The following IFT43 variants were observed in gnomAD, a reference collection of about 807,000 sequenced individuals.
The protein encoded by IFT43 is intraflagellar transport 43.
A neutral mutation model predicts 32.3 loss-of-function variants in IFT43; 33 were observed. The observed-to-expected ratio is 1.02, with a 90% confidence interval of 0.77 to 1.37. The LOEUF (loss-of-function observed/expected upper bound fraction) is 1.37. Ranked by LOEUF, IFT43 falls within the 40% of genes most tolerant of loss-of-function variation. The pLI is 0.00. For synonymous variants in IFT43, 93 were observed against 98.2 expected (o/e 0.95, Z 0.31); for missense variants, 274 against 265.9 (o/e 1.03, Z -0.21).
At position 76,083,729 on chromosome 14, in the gene IFT43, C is replaced by T. The variant is rs2037559216; in HGVS notation, c.*152C>T. ...TGGATAATTCAATTGCAATAAATTG[C>T]TTATTCTGTGCCATCTCCTCCATTT... On this transcript the variant is annotated 3_prime_UTR_variant, in exon 9 of 9. Transcript: ENST00000314067. 3.8e-6 allele frequency: 3 copies of T among 781,888 alleles called. No homozygotes were observed. Among genetic ancestry groups the T allele is most frequent in the South Asian group, 1.5e-5 (1 of 67,610 alleles). 48.4% of individuals were successfully genotyped at this position (781,888 alleles called of 1,614,324 possible). A position where few individuals can be genotyped will look rare whatever the true frequency, so the allele number is the denominator to read the frequency against.
At chr14:76,081,432 G>A (rs1308938821) in intron 5 of IFT43, among the ~76,000 whole-genome samples, 1 of 152,050 alleles carries the variant, frequency 6.6e-6, no homozygotes, top group Admixed American at 6.5e-5. Flanking sequence ...AAAACAAAAT[G>A]TCTCAACCAG....
chr14:75,986,343 T>C (rs2139853661), intron 1 of IFT43: 2 of 1,181,262 alleles, frequency 1.7e-6, no homozygotes, highest in Non-Finnish European at 2.2e-6. Context: ...TTAACCTCAG[T>C]TACCTCAGTA....
intron 3 of IFT43, among the ~76,000 whole-genome samples, chr14:76,057,040 A>AACTG: frequency 1.3e-5 from 2 of 152,190 alleles, no homozygotes; most frequent in East Asian, 3.9e-4. Flanking sequence ...AAGGGTCAGA[A>AACTG]ACTGCAGCCT....
chr14:76,012,391 AGCC>A (rs2036102900), intron 2 of IFT43, among the ~76,000 whole-genome samples: 1 of 152,210 alleles, frequency 6.6e-6, no homozygotes, highest in African/African-American at 2.4e-5. Context: ...ATTGAATCCT[AGCC>A]CATTCGGATG....
chr14:75,987,354 T>A (rs1184857108), intron 1 of IFT43, among the ~76,000 whole-genome samples: 1 of 152,198 alleles, frequency 6.6e-6, no homozygotes, highest in Non-Finnish European at 1.5e-5. Context: ...GACACTACAA[T>A]TTGAAGTGTC....
At position 75,993,140 on chromosome 14, in the gene IFT43, T is replaced by C. The variant is rs2035674844; in HGVS notation, c.147+4163T>C. 2.0e-5 allele frequency among the ~76,000 whole-genome samples: 3 copies of C among 152,220 alleles called. No homozygotes were observed. In the South Asian group the frequency reaches 6.2e-4, roughly 31 times the overall value. On this transcript the variant is annotated intron_variant, in intron 2 of 8. Transcript: ENST00000314067. ...CCAACCATTATTATTTCTCTAGAAC[T>C]TGGGCATTCTTTTTATTCCACCTTA...
At chr14:76,059,023 A>C (rs2037079407) in intron 4 of IFT43, 1 of 1,422,960 alleles carries the variant, frequency 7.0e-7, no homozygotes. Flanking sequence ...CAGAAAAGAA[A>C]GAAGTTTTCT....
At chr14:76,056,464 C>T (rs1041808660) in intron 3 of IFT43, among the ~76,000 whole-genome samples, 3 of 152,232 alleles carry the variant, frequency 2.0e-5, no homozygotes, top group Admixed American at 1.3e-4. Context: ...GGCAATTAAT[C>T]AGCCTCCCCC....
At chr14:76,038,555 G>A (rs1053358329) in intron 3 of IFT43, among the ~76,000 whole-genome samples, 1 of 152,152 alleles carries the variant, frequency 6.6e-6, no homozygotes, top group Non-Finnish European at 1.5e-5. Context: ...TAGAGGAAGA[G>A]CTAGATAAGT....
chr14:76,020,246 T>G lies in IFT43; in HGVS notation c.148-2081T>G, dbSNP rs545699152. 1.1e-3 allele frequency among the ~76,000 whole-genome samples: 175 copies of G among 152,340 alleles called. 1 individual carries two copies. The highest frequency in any genetic ancestry group is 4.0e-3 in the African/African-American group (165 of 41,576). The stretch of plus-strand genomic sequence containing the variant: ...TCTTGGCCTCCCAAAGTGCTGAGAT[T>G]ATAGGCATGAGCCACCGCACCCGGC... On this transcript the variant is annotated intron_variant, in intron 2 of 8. Transcript: ENST00000314067.
chr14:76,008,760 C>G (rs188325199), intron 2 of IFT43, among the ~76,000 whole-genome samples: 3 of 152,204 alleles, frequency 2.0e-5, no homozygotes, highest in Non-Finnish European at 4.4e-5. Context: ...AGTAAAGACA[C>G]AGCTATTTTC....
At chr14:76,047,747 T>TA (rs2036836891) in intron 3 of IFT43, among the ~76,000 whole-genome samples, 1 of 151,898 alleles carries the variant, frequency 6.6e-6, no homozygotes, top group African/African-American at 2.4e-5. Flanking sequence ...TTTTTTTTTT[T>TA]TGTCATTGCA....
intron 3 of IFT43, among the ~76,000 whole-genome samples, chr14:76,040,873 C>T (rs762892921): frequency 1.3e-5 from 2 of 152,164 alleles, no homozygotes; most frequent in African/African-American, 2.4e-5. Context: ...GGTGGGGACT[C>T]GAGATGAACT....
At chr14:76,020,896 C>T (rs2036277625) in intron 2 of IFT43, among the ~76,000 whole-genome samples, 1 of 151,982 alleles carries the variant, frequency 6.6e-6, no homozygotes, top group Admixed American at 6.5e-5. Flanking sequence ...GTGAGCCAGT[C>T]CCCAGGTAGT....
chr14:76,042,104 G>T (rs533137617), intron 3 of IFT43, among the ~76,000 whole-genome samples: 1 of 132,892 alleles, frequency 7.5e-6, no homozygotes, highest in African/African-American at 2.5e-5. Context: ...TTGTATGGAC[G>T]AGGACACACA....
intron 5 of IFT43, among the ~76,000 whole-genome samples, chr14:76,082,055 C>G (rs369969046): frequency 6.6e-6 from 1 of 152,328 alleles, no homozygotes; most frequent in East Asian, 1.9e-4. Flanking sequence ...GGAAAAAAAT[C>G]TGGATGCTTG....
At chr14:76,059,164 G>A in intron 4 of IFT43, 163 bp from the exon 5 acceptor site, 2 of 1,547,880 alleles carry the variant, frequency 1.3e-6, no homozygotes, top group Non-Finnish European at 1.7e-6. Context: ...ACCACACACG[G>A]CACACCCAGT....
At chr14:76,034,275 A>G (rs1429368479) in intron 3 of IFT43, among the ~76,000 whole-genome samples, 1 of 152,100 alleles carries the variant, frequency 6.6e-6, no homozygotes. Flanking sequence ...CCATTTTCCT[A>G]GTTACGTCCT....
At chr14:76,027,720 A>T (rs60136742) in intron 3 of IFT43, among the ~76,000 whole-genome samples, 1,920 of 152,074 alleles carry the variant, frequency 0.013, 52 homozygotes, top group African/African-American at 0.044. Flanking sequence ...AAAAAAAAAA[A>T]AAAAGATTCA....
Sources: allele counts gnomAD v4.1 joint callset (sites outside exome capture counted in the v4.1 genomes callset), GRCh38; gene constraint gnomAD v4.1.1; transcripts MANE v1.5; gene names NCBI Gene and HGNC (gene_info 2026-07-23, HGNC 2026-07-21).